Variants in C1QTNF7 observed in about 807,000 individuals in gnomAD.
The protein encoded by C1QTNF7 is complement C1q tumor necrosis factor-related protein 7.
C1QTNF7 carries 15 observed loss-of-function variants against 19.6 expected under a neutral mutation model. That is an observed-to-expected ratio of 0.76 (90% CI 0.51 to 1.18). C1QTNF7 has a LOEUF of 1.18. Ranked by LOEUF, C1QTNF7 falls within the 50% of genes most tolerant of loss-of-function variation. The pLI, the probability that C1QTNF7 is intolerant of heterozygous loss-of-function variation, is 0.00. For missense variants in C1QTNF7, 324 were observed against 359.7 expected (o/e 0.90, Z 0.80); for synonymous variants, 142 against 137.5 (o/e 1.03, Z -0.23).
At chr4:15,407,455 T>C (rs1026403013) in intron 1 of C1QTNF7, among the ~76,000 whole-genome samples, 6 of 152,184 alleles carry the variant, frequency 3.9e-5, no homozygotes, top group Non-Finnish European at 7.4e-5. Flanking sequence ...ACCTGGCTTG[T>C]TTACCTGCAC....
chr4:15,411,987 C>T (rs1443449763), intron 1 of C1QTNF7, among the ~76,000 whole-genome samples: 2 of 152,088 alleles, frequency 1.3e-5, no homozygotes, highest in East Asian at 3.9e-4. Flanking sequence ...TACAGCTGCT[C>T]CCCATCACTC....
intron 1 of C1QTNF7, among the ~76,000 whole-genome samples, chr4:15,380,738 A>C (rs1718109453): frequency 2.0e-5 from 3 of 152,064 alleles, no homozygotes; most frequent in Admixed American, 2.0e-4. Flanking sequence ...CGTTTGAGAC[A>C]AGCCTGGCCA....
At chr4:15,352,147 C>T (rs924014254) in intron 1 of C1QTNF7, among the ~76,000 whole-genome samples, 1 of 152,138 alleles carries the variant, frequency 6.6e-6, no homozygotes, top group East Asian at 1.9e-4. Flanking sequence ...TATGCCCAAG[C>T]TGCAGCTTTA....
intron 1 of C1QTNF7, among the ~76,000 whole-genome samples, chr4:15,398,970 A>G (rs971974302): frequency 3.3e-5 from 5 of 152,104 alleles, no homozygotes; most frequent in Admixed American, 1.3e-4. Context: ...CCGTATGCAC[A>G]GTGGCCTGTT....
In C1QTNF7 at chr4:15,371,715, G is replaced by A. The variant is rs531559854; in HGVS notation, c.13+31508G>A. 8.5e-5 allele frequency among the ~76,000 whole-genome samples: 13 copies of A among 152,230 alleles called. No homozygotes were observed. In the East Asian group the frequency reaches 1.5e-3, roughly 18 times the overall value. On this transcript the variant is annotated intron_variant, in intron 1 of 2. Transcript: ENST00000295297. ...AGGGTCAGATTAAAGAAAACATCCC[G>A]GGGAAGAAGCATGTGAGTTCAGTTT...
chr4:15,430,987 G>A (rs748442551), intron 1 of C1QTNF7, among the ~76,000 whole-genome samples: 4 of 151,770 alleles, frequency 2.6e-5, no homozygotes, highest in Non-Finnish European at 2.9e-5. Context: ...GAAAGACAAA[G>A]GACAAACTGG....
At chr4:15,385,298 G>T (rs562705429) in intron 1 of C1QTNF7, among the ~76,000 whole-genome samples, 3 of 152,198 alleles carry the variant, frequency 2.0e-5, no homozygotes, top group Admixed American at 2.0e-4. Flanking sequence ...AGACGTACAT[G>T]TCAGAAGGAC....
intron 1 of C1QTNF7, among the ~76,000 whole-genome samples, chr4:15,371,406 C>T (rs4395494): frequency 0.47 from 71,611 of 152,006 alleles, 18,126 homozygotes; most frequent in African/African-American, 0.65. Flanking sequence ...TTATTTTCCC[C>T]GGCTTGCCCC....
intron 2 of C1QTNF7, among the ~76,000 whole-genome samples, chr4:15,437,341 G>A (rs1422114443): frequency 2.0e-5 from 3 of 151,796 alleles, no homozygotes; most frequent in Non-Finnish European, 4.4e-5. Flanking sequence ...GTAAGTTGGT[G>A]GTAATAAGGG....
At chr4:15,367,188 C>A (rs1000997766) in intron 1 of C1QTNF7, among the ~76,000 whole-genome samples, 1 of 152,142 alleles carries the variant, frequency 6.6e-6, no homozygotes, top group Non-Finnish European at 1.5e-5. Flanking sequence ...AGAAAGAAGG[C>A]AATTTCCAGT....
chr4:15,429,211 T>C (rs184390665), intron 1 of C1QTNF7, among the ~76,000 whole-genome samples: 2 of 152,348 alleles, frequency 1.3e-5, no homozygotes, highest in African/African-American at 4.8e-5. Context: ...TTATTCAGTT[T>C]TTTTAATTAT....
intron 1 of C1QTNF7, among the ~76,000 whole-genome samples, chr4:15,393,245 T>G (rs1718651625): frequency 1.3e-5 from 2 of 152,208 alleles, no homozygotes; most frequent in Admixed American, 1.3e-4. Context: ...GTGAGTCCAT[T>G]AAGCCTCTTT....
At chr4:15,343,408 C>T (rs1560334974) in intron 1 of C1QTNF7, among the ~76,000 whole-genome samples, 1 of 151,972 alleles carries the variant, frequency 6.6e-6, no homozygotes, top group Non-Finnish European at 1.5e-5. Context: ...TGAAGCCCAA[C>T]AATTGGGATT....
At chr4:15,417,850 A>G (rs1711520565) in intron 1 of C1QTNF7, among the ~76,000 whole-genome samples, 1 of 152,212 alleles carries the variant, frequency 6.6e-6, no homozygotes, top group Admixed American at 6.5e-5. Context: ...AATGGGCCAC[A>G]TGGATCAAGT....
chr4:15,368,431 C>A (rs1359500870), intron 1 of C1QTNF7, among the ~76,000 whole-genome samples: 1 of 151,956 alleles, frequency 6.6e-6, no homozygotes, highest in African/African-American at 2.4e-5. Context: ...CTAATGCTAT[C>A]CCTCCCCACT....
At chr4:15,353,557 G>A (rs1256345315) in intron 1 of C1QTNF7, among the ~76,000 whole-genome samples, 1 of 152,158 alleles carries the variant, frequency 6.6e-6, no homozygotes, top group Non-Finnish European at 1.5e-5. Context: ...CATGGGCAAG[G>A]TTGCCATCTG....
intron 1 of C1QTNF7, among the ~76,000 whole-genome samples, chr4:15,343,248 C>T (rs1033350736): frequency 2.0e-5 from 3 of 152,156 alleles, no homozygotes; most frequent in East Asian, 1.9e-4. Context: ...CATAGACCAA[C>T]GCATGCTGGA....
Position 15,382,901 on chromosome 4 carries a change from G to A in C1QTNF7, c.13+42694G>A, listed in dbSNP as rs533767168. On this transcript the variant is annotated intron_variant, in intron 1 of 2. Coordinates refer to the C1QTNF7 transcript ENST00000295297. ...CACCACATTTCCTGGCCCAAGTGCC[G>A]CCAAAGTCATTACATGTTCATTGAA... 2.0e-5 allele frequency among the ~76,000 whole-genome samples: 3 copies of A among 152,236 alleles called. 1 individual carries two copies. Among genetic ancestry groups the A allele is most frequent in the Middle Eastern group, 3.4e-3 (1 of 294 alleles).
intron 1 of C1QTNF7, among the ~76,000 whole-genome samples, chr4:15,407,922 T>A (rs1719250780): frequency 6.6e-6 from 1 of 151,868 alleles, no homozygotes; most frequent in Non-Finnish European, 1.5e-5. Flanking sequence ...CGAAACTCTG[T>A]CTCAAAAACA....
Sources: gnomAD v4.1 joint callset for allele counts (sites outside exome capture counted in the v4.1 genomes callset) on GRCh38, gnomAD v4.1.1 for gene constraint, MANE v1.5 for transcripts, NCBI Gene and HGNC (gene_info 2026-07-23, HGNC 2026-07-21) for gene names.